Variants in PRKAR2A observed in about 807,000 individuals in gnomAD.
PRKAR2A encodes protein kinase cAMP-dependent type II regulatory subunit alpha, also known as cAMP-dependent protein kinase type II-alpha regulatory subunit.
PRKAR2A carries 29 observed loss-of-function variants against 51.9 expected under a neutral mutation model. The observed-to-expected ratio is 0.56, with a 90% CI of 0.42 to 0.76. The LOEUF (loss-of-function observed/expected upper bound fraction) is 0.76, where lower values mean the gene tolerates loss of function less well. Ranked by LOEUF, PRKAR2A falls within the 30% of genes least tolerant of loss-of-function variation. The probability of loss-of-function intolerance (pLI) is 0.00; values close to 1 mark genes in which losing one functional copy is unlikely to be tolerated. For synonymous variants in PRKAR2A, 178 were observed against 186.2 expected (o/e 0.96, Z 0.36); for missense variants, 445 against 512.1 (o/e 0.87, Z 1.26).
At chr3:48,846,399 T>C (rs2083463473) in intron 1 of PRKAR2A, among the ~76,000 whole-genome samples, 1 of 151,494 alleles carries the variant, frequency 6.6e-6, no homozygotes, top group South Asian at 2.1e-4. Context: ...GTATTTTTAG[T>C]AGAGACGGGG....
intron 9 of PRKAR2A, among the ~76,000 whole-genome samples, chr3:48,754,151 C>T (rs576702191): frequency 2.6e-5 from 4 of 152,024 alleles, no homozygotes; most frequent in African/African-American, 4.8e-5. Flanking sequence ...CCGCCTGCCT[C>T]GGCCTCCCAA....
chr3:48,802,380 G>A (rs768390045), intron 2 of PRKAR2A, among the ~76,000 whole-genome samples: 1 of 151,924 alleles, frequency 6.6e-6, no homozygotes, highest in Admixed American at 6.6e-5. Flanking sequence ...ATGTGAGTGA[G>A]CAAACAACAA....
At position 48,833,650 on chromosome 3, in the gene PRKAR2A, T is replaced by C. The variant is rs575808711; in HGVS notation, c.262+13685A>G. 4.1e-5 allele frequency among the ~76,000 whole-genome samples: 6 copies of C among 147,138 alleles called. No individual in the cohort carries two copies. In the East Asian group the frequency reaches 1.2e-3, roughly 30 times the overall value. On this transcript the variant is annotated intron_variant, in intron 1 of 10. Transcript: ENST00000265563. ...GCTTGAACCCAGGAGGCGGAGGTTG[T>C]GGTGAGCCAAGATCGCGCCATTGCA... is the stretch of plus-strand genomic sequence containing the variant.
chr3:48,808,044 CTTTCTTTTTTTT>C (rs2082702985), intron 1 of PRKAR2A, among the ~76,000 whole-genome samples: 2 of 135,084 alleles, frequency 1.5e-5, no homozygotes, highest in Non-Finnish European at 3.2e-5. Context: ...TTTTTTCTTT[CTTTCTTTTTTTT>C]TTTTTTTTTG....
intron 1 of PRKAR2A, among the ~76,000 whole-genome samples, chr3:48,841,534 A>C (rs2083381816): frequency 8.4e-6 from 1 of 119,082 alleles, no homozygotes; most frequent in African/African-American, 3.3e-5. Context: ...ACAGAACAAG[A>C]CTCTGTCTCA....
intron 1 of PRKAR2A, among the ~76,000 whole-genome samples, chr3:48,834,363 C>T (rs533153599): frequency 5.9e-5 from 9 of 151,654 alleles, no homozygotes; most frequent in Admixed American, 2.0e-4. Context: ...CACAGCAACA[C>T]GGAAAAAAAA....
intron 1 of PRKAR2A, among the ~76,000 whole-genome samples, chr3:48,833,894 G>A (rs368151645): frequency 4.6e-5 from 7 of 151,368 alleles, no homozygotes; most frequent in African/African-American, 7.3e-5. Context: ...AAAACTAGCC[G>A]GGCATGGTGG....
intron 5 of PRKAR2A, among the ~76,000 whole-genome samples, chr3:48,778,520 GTTTTGTT>G (rs1218132650): frequency 6.6e-6 from 1 of 151,328 alleles, no homozygotes; most frequent in Non-Finnish European, 1.5e-5. Context: ...GTGTGTTTTT[GTTTTGTT>G]TTGTTTTGTT....
intron 1 of PRKAR2A, among the ~76,000 whole-genome samples, chr3:48,837,850 A>G (rs2083308224): frequency 6.6e-6 from 1 of 152,182 alleles, no homozygotes. Context: ...ACATGGATGA[A>G]CCTTGAGTAC....
chr3:48,786,862 C>T (rs1401021780), intron 4 of PRKAR2A, among the ~76,000 whole-genome samples: 1 of 152,120 alleles, frequency 6.6e-6, no homozygotes, highest in Non-Finnish European at 1.5e-5. Flanking sequence ...ATACTGACAT[C>T]ATGGGCCCCT....
Position 48,800,587 on chromosome 3 carries a change from G to A in PRKAR2A, c.299-6538C>T, listed in dbSNP as rs1324112323. Among the ~76,000 whole-genome samples the A allele has an allele frequency of 2.0e-5, 3 of 151,814 alleles. No homozygotes were observed. In the East Asian group the frequency reaches 5.8e-4, roughly 29 times the overall value. The stretch of plus-strand genomic sequence containing the variant: ...GACTACATAAGAAAGCCGCATTTAA[G>A]GAATTCATGAACTCTTCATTTACTC... On this transcript the variant is annotated intron_variant, in intron 2 of 10. Transcript: ENST00000265563.
At chr3:48,845,393 G>C (rs534534388) in intron 1 of PRKAR2A, among the ~76,000 whole-genome samples, 113 of 152,280 alleles carry the variant, frequency 7.4e-4, no homozygotes, top group African/African-American at 2.6e-3. Context: ...ACCTCCCACA[G>C]CAATGACCGT....
chr3:48,776,937 T>A (rs906154294), intron 5 of PRKAR2A, among the ~76,000 whole-genome samples: 7 of 152,086 alleles, frequency 4.6e-5, no homozygotes, highest in Non-Finnish European at 7.4e-5. Flanking sequence ...GTAAAAAAAA[T>A]TATGTAAAGA....
At chr3:48,785,174 T>C (rs965860396) in intron 4 of PRKAR2A, among the ~76,000 whole-genome samples, 1 of 149,450 alleles carries the variant, frequency 6.7e-6, no homozygotes, top group African/African-American at 2.5e-5. Flanking sequence ...CACTGCAACC[T>C]CTGCCTCCTG....
intron 9 of PRKAR2A, among the ~76,000 whole-genome samples, 188 bp from the exon 10 acceptor site, chr3:48,752,505 A>G (rs2081667390): frequency 1.3e-5 from 2 of 152,202 alleles, no homozygotes; most frequent in African/African-American, 4.8e-5. Flanking sequence ...TGATCAGAAA[A>G]GTCTGCTTTT....
At position 48,793,874 on chromosome 3, in the gene PRKAR2A, T is replaced by C. The variant is rs1419457364; in HGVS notation, c.351+123A>G. On this transcript the variant is annotated intron_variant, in intron 3 of 10. Transcript: ENST00000265563. ...AACTTTCAATTTGTTAGATTAAAAA[T>C]GTCACTTCAGTGATATTTTAATTTG... The C allele has an allele frequency of 2.1e-4, 175 of 841,088 alleles. 1 individual carries two copies. The South Asian group carries it at 2.5e-3, about 12-fold the overall frequency. The allele number at this position is 841,088 out of a possible 1,614,324, so 52.1% of individuals were successfully genotyped here. A position where few individuals can be genotyped will look rare whatever the true frequency, so the allele number is the denominator to read the frequency against.
intron 1 of PRKAR2A, among the ~76,000 whole-genome samples, chr3:48,828,161 T>C (rs2083100442): frequency 6.6e-6 from 1 of 152,270 alleles, no homozygotes; most frequent in Admixed American, 6.5e-5. Context: ...CCAACGCACA[T>C]GGCCCAACTT....
At chr3:48,763,123 C>G (rs2081888323) in intron 8 of PRKAR2A, among the ~76,000 whole-genome samples, 1 of 152,124 alleles carries the variant, frequency 6.6e-6, no homozygotes, top group Admixed American at 6.5e-5. Flanking sequence ...TGTAACAAAG[C>G]TGATCAAAAC....
intron 1 of PRKAR2A, among the ~76,000 whole-genome samples, chr3:48,811,174 C>G (rs2082764644): frequency 6.7e-6 from 1 of 150,010 alleles, no homozygotes; most frequent in African/African-American, 2.5e-5. Context: ...GAGACTATCT[C>G]TTAATTTTAA....
Sources: gnomAD v4.1 joint callset for allele counts (sites outside exome capture counted in the v4.1 genomes callset) on GRCh38, gnomAD v4.1.1 for gene constraint, MANE v1.5 for transcripts, NCBI Gene and HGNC (gene_info 2026-07-23, HGNC 2026-07-21) for gene names.